Variants in RSBN1L observed in about 807,000 individuals in gnomAD.
RSBN1L encodes lysine-specific demethylase RSBN1L.
Under a neutral mutation model 67.7 loss-of-function variants are expected in RSBN1L, and 30 were observed. The ratio of observed to expected loss-of-function variants is 0.44; its 90% confidence interval spans 0.33 to 0.60. The LOEUF (loss-of-function observed/expected upper bound fraction) is 0.60. Ranked by LOEUF, RSBN1L falls within the 20% of genes least tolerant of loss-of-function variation. The pLI, the probability that RSBN1L is intolerant of heterozygous loss-of-function variation, is 0.02. For synonymous variants in RSBN1L, 433 were observed against 387.0 expected, an observed-to-expected ratio of 1.12 and a Z score of -1.39; for missense variants, 992 against 1,031.7, an observed-to-expected ratio of 0.96 and a Z score of 0.53.
intron 2 of RSBN1L, among the ~76,000 whole-genome samples, chr7:77,737,330 C>T: frequency 6.6e-6 from 1 of 152,238 alleles, no homozygotes; most frequent in Non-Finnish European, 1.5e-5. Context: ...CCTTGATTAA[C>T]TTCATATTGA....
chr7:77,741,759 G>A (rs1791413797), intron 2 of RSBN1L, among the ~76,000 whole-genome samples: 1 of 151,728 alleles, frequency 6.6e-6, no homozygotes, highest in African/African-American at 2.4e-5. Context: ...CTTTAGTGTA[G>A]GAGAAGCAAA....
In RSBN1L at chr7:77,736,435, GAGAGACAAAGAAAAAGAA is replaced by G. The variant is rs760502467; in HGVS notation, c.618_635del (p.Asp206_Arg211del). ...ATAAAATCAAAGACAAAATTAAAGAGAGAGACAAAGAAAAAGAAAGAGAAAAAAAGAAACATAAAGTAA... is the reference window on the plus strand; with the variant it reads ...ATAAAATCAAAGACAAAATTAAAGAGAGAGAAAAAAAGAAACATAAAGTAA... On this transcript the variant is annotated inframe_deletion, in exon 2 of 8. Transcript: ENST00000334955. 2 of 1,090,664 alleles carry G rather than the reference GAGAGACAAAGAAAAAGAA, an allele frequency of 1.8e-6. No homozygotes were observed. The highest frequency in any genetic ancestry group is 3.1e-5 in the South Asian group (2 of 63,668). 67.6% of individuals were successfully genotyped at this position (1,090,664 alleles called of 1,614,324 possible).
intron 3 of RSBN1L, among the ~76,000 whole-genome samples, chr7:77,755,052 A>G (rs1338289786): frequency 2.0e-5 from 3 of 152,204 alleles, no homozygotes; most frequent in Non-Finnish European, 4.4e-5. Context: ...ATCAGCCTAC[A>G]TACTGCTGTG....
chr7:77,765,406 C>A, intron 3 of RSBN1L, 89 bp from the exon 4 acceptor site: 1 of 1,005,734 alleles, frequency 9.9e-7, no homozygotes, highest in Non-Finnish European at 1.4e-6. Flanking sequence ...TGATAGCAAG[C>A]ATTATCTTAT....
intron 4 of RSBN1L, among the ~76,000 whole-genome samples, chr7:77,767,488 C>G (rs1208349234): frequency 6.6e-6 from 1 of 151,668 alleles, no homozygotes; most frequent in Non-Finnish European, 1.5e-5. Flanking sequence ...ATTCTCATGC[C>G]TCAGCCTTTC....
intron 1 of RSBN1L, among the ~76,000 whole-genome samples, chr7:77,725,678 T>C (rs1791193733): frequency 6.6e-6 from 1 of 150,738 alleles, no homozygotes; most frequent in South Asian, 2.1e-4. Flanking sequence ...CCCTTGTTGC[T>C]CAGGCTGGGT....
chr7:77,770,113 C>T (rs1205631157), intron 5 of RSBN1L, among the ~76,000 whole-genome samples: 1 of 151,826 alleles, frequency 6.6e-6, no homozygotes, highest in East Asian at 1.9e-4. Flanking sequence ...TGGCTCACGC[C>T]TGTAATCCCA....
intron 3 of RSBN1L, among the ~76,000 whole-genome samples, chr7:77,756,279 G>A (rs115498725): frequency 0.019 from 2,933 of 151,842 alleles, 84 homozygotes; most frequent in African/African-American, 0.066. Flanking sequence ...CTGCAGACGC[G>A]TACCACCACA....
intron 3 of RSBN1L, among the ~76,000 whole-genome samples, chr7:77,754,655 A>T (rs1297339510): frequency 2.6e-5 from 4 of 151,964 alleles, no homozygotes; most frequent in African/African-American, 9.7e-5. Flanking sequence ...CCTTTCCCTT[A>T]TCTGTGGTAC....
At chr7:77,713,655 C>T (rs1460022729) in intron 1 of RSBN1L, among the ~76,000 whole-genome samples, 1 of 150,668 alleles carries the variant, frequency 6.6e-6, no homozygotes, top group Non-Finnish European at 1.5e-5. Context: ...CATGCCCGGC[C>T]TCTCTCTTCC....
rs545917666 is a variant in RSBN1L at position 77,706,548 on chromosome 7, A to G, written c.586+9493A>G. 4.6e-5 allele frequency among the ~76,000 whole-genome samples: 7 copies of G among 152,234 alleles called. No homozygotes were observed. The South Asian group carries it at 1.4e-3, about 32-fold the overall frequency. The stretch of plus-strand genomic sequence containing the variant: ...TATTGTTAATTATCCCAGCCTAACC[A>G]TTTCATTGGGGGTTAAAGAATGATG... On this transcript the variant is annotated intron_variant, in intron 1 of 7. Transcript: ENST00000334955.
intron 1 of RSBN1L, among the ~76,000 whole-genome samples, chr7:77,731,929 T>G (rs1015933577): frequency 6.6e-6 from 1 of 152,156 alleles, no homozygotes; most frequent in Non-Finnish European, 1.5e-5. Flanking sequence ...ATAAGTTGAT[T>G]GTATTTAAGT....
At chr7:77,775,524 A>T (rs1249001955) in intron 6 of RSBN1L, among the ~76,000 whole-genome samples, 1 of 152,108 alleles carries the variant, frequency 6.6e-6, no homozygotes, top group Non-Finnish European at 1.5e-5. Context: ...TTTTCATTTC[A>T]GTTCAGGATA....
At chr7:77,708,840 TAAATG>T (rs1388272165) in intron 1 of RSBN1L, among the ~76,000 whole-genome samples, 2 of 152,192 alleles carry the variant, frequency 1.3e-5, no homozygotes, top group African/African-American at 2.4e-5. Flanking sequence ...CTGTATTAGT[TAAATG>T]AAGTGATTTT....
intron 1 of RSBN1L, 51 bp downstream of exon 1, chr7:77,697,106 C>T (rs991398731): frequency 7.6e-7 from 1 of 1,318,188 alleles, no homozygotes; most frequent in Non-Finnish European, 9.6e-7. Context: ...GTCCCCGCCG[C>T]CCCCTGGCGC....
At chr7:77,710,572 ACTTT>A (rs1403286752) in intron 1 of RSBN1L, among the ~76,000 whole-genome samples, 1 of 151,444 alleles carries the variant, frequency 6.6e-6, no homozygotes, top group Non-Finnish European at 1.5e-5. Flanking sequence ...TCTTATCCTG[ACTTT>A]CTTTGCTTCA....
At chr7:77,752,258 G>T (rs1350558570) in intron 3 of RSBN1L, among the ~76,000 whole-genome samples, 3 of 152,190 alleles carry the variant, frequency 2.0e-5, no homozygotes, top group African/African-American at 4.8e-5. Flanking sequence ...TTTTTTACCA[G>T]TTGTGGTTCT....
At chr7:77,775,678 T>C (rs1027941969) in intron 6 of RSBN1L, among the ~76,000 whole-genome samples, 2 of 152,204 alleles carry the variant, frequency 1.3e-5, no homozygotes, top group African/African-American at 4.8e-5. Flanking sequence ...AGAGAACATA[T>C]TCTGTATGAT....
In RSBN1L at chr7:77,772,583, T is replaced by C. The variant is rs143603484; in HGVS notation, c.1626-564T>C. On this transcript the variant is annotated intron_variant, in intron 5 of 7. Coordinates refer to ENST00000334955, the MANE Select transcript of RSBN1L (RefSeq NM_198467.3). ...TTTCCTTTCTACCTCCAATAAAGCA[T>C]GCATGTTTTGTGGAAGCACTTACTG... 6.6e-3 allele frequency among the ~76,000 whole-genome samples: 1,000 copies of C among 152,342 alleles called. 18 individuals carry two copies. The highest frequency in any genetic ancestry group is 0.023 in the African/African-American group (944 of 41,582).
Sources: allele counts gnomAD v4.1 joint callset (sites outside exome capture counted in the v4.1 genomes callset), GRCh38; gene constraint gnomAD v4.1.1; transcripts MANE v1.5; gene names NCBI Gene and HGNC (gene_info 2026-07-23, HGNC 2026-07-21).